Variants in SYTL1 observed in about 807,000 individuals in gnomAD.
The protein encoded by SYTL1 is synaptotagmin like 1.
A neutral mutation model predicts 74.6 loss-of-function variants in SYTL1; 53 were observed. That is an observed-to-expected ratio of 0.71 (90% confidence interval 0.57 to 0.89). The LOEUF is 0.89. SYTL1 is among the 40% of genes least tolerant of loss of function. SYTL1 has a pLI of 0.00. For synonymous variants in SYTL1, 329 were observed against 324.9 expected (o/e 1.01, Z -0.14); for missense variants, 728 against 768.7 (o/e 0.95, Z 0.63).
chr1:27,349,657 G>A lies in SYTL1; in HGVS notation c.639G>A (p.Lys213=). Residue 213 remains lysine (K), a synonymous_variant, in exon 8 of 15, where the codon AAG becomes AAA. Coordinates refer to ENST00000616558, the MANE Select transcript of SYTL1 (RefSeq NM_001193308.2). ...QEPRPQQAQT[K]AASQILENGE... ...GTCACTTGCCCCCTCTGCAGACCAAGGCCGCGTCCCAGATCCTGGAGAATG... is the reference window on the plus strand; with the variant it reads ...GTCACTTGCCCCCTCTGCAGACCAAAGCCGCGTCCCAGATCCTGGAGAATG... 6.2e-7 allele frequency: 1 copy of A among 1,607,772 alleles called. No individual in the cohort carries two copies. Among genetic ancestry groups the A allele is most frequent in the Non-Finnish European group, 8.5e-7 (1 of 1,177,830 alleles).
intron 2 of SYTL1, among the ~76,000 whole-genome samples, chr1:27,346,730 C>T: frequency 6.6e-6 from 1 of 151,972 alleles, no homozygotes; most frequent in East Asian, 1.9e-4. Flanking sequence ...CACTGCACTC[C>T]AGCCCGGGCA....
Position 27,343,719 on chromosome 1 carries a change from T to C in SYTL1, c.-39+1569T>C, listed in dbSNP as rs1423731032. On this transcript the variant is annotated intron_variant, in intron 1 of 14. Transcript: ENST00000616558. The surrounding 1 kb of genome is among the most constrained non-coding windows in gnomAD (Gnocchi z 5.2). ...TCAAACTTTTACCAACCATCTGTTG[T>C]GTGCAAAGTAATGGCTTTGAGGGTG... 1.3e-5 allele frequency among the ~76,000 whole-genome samples: 2 copies of C among 152,166 alleles called. No homozygotes were observed. Among genetic ancestry groups the C allele is most frequent in the Non-Finnish European group, 2.9e-5 (2 of 68,024 alleles).
Position 27,351,665 on chromosome 1 carries a change from C to G in SYTL1, c.1343+110C>G. On this transcript the variant is annotated intron_variant, in intron 13 of 14. Coordinates refer to ENST00000616558, the MANE Select transcript of SYTL1 (RefSeq NM_001193308.2). The surrounding 1 kb of genome is among the most constrained non-coding windows in gnomAD (Gnocchi z 5.0). ...TTGATCACGCAGCCTGGGCTTTCACCACTGAGCAGGGGTGAAGGGGACGGT... is the reference window on the plus strand; with the variant it reads ...TTGATCACGCAGCCTGGGCTTTCACGACTGAGCAGGGGTGAAGGGGACGGT... 1 of 727,232 alleles carries G rather than the reference C, an allele frequency of 1.4e-6. No homozygotes were observed. The highest frequency in any genetic ancestry group is 2.2e-6 in the Non-Finnish European group (1 of 451,724). The allele number at this position is 727,232 out of a possible 1,614,324, so 45.0% of individuals were successfully genotyped here. A position where few individuals can be genotyped will look rare whatever the true frequency, so the allele number is the denominator to read the frequency against.
At chr1:27,346,265 C>G (rs549504997) in intron 2 of SYTL1, among the ~76,000 whole-genome samples, 8 of 152,296 alleles carry the variant, frequency 5.3e-5, no homozygotes, top group African/African-American at 1.9e-4. Context: ...TCAGGTGCTC[C>G]CCAGTCCCTG....
Position 27,351,170 on chromosome 1 carries a change from A to C in SYTL1, c.1165-88A>C, listed in dbSNP as rs2015254039. ...CCCTGCAGGCCCCGCCGTCTCTTCT[A>C]GCCGCACCCCATCCGGGTCTGCAGA... On this transcript the variant is annotated intron_variant, in intron 11 of 14. Coordinates refer to ENST00000616558, the MANE Select transcript of SYTL1 (RefSeq NM_001193308.2). This position sits in a 1 kb window ranked among gnomAD's most constrained non-coding sequence, Gnocchi z 5.0. 1 of 1,470,338 alleles carries C rather than the reference A, an allele frequency of 6.8e-7. No individual in the cohort carries two copies. The highest frequency in any genetic ancestry group is 2.0e-5 in the Admixed American group (1 of 49,126). The allele number at this position is 1,470,338 out of a possible 1,614,324, so 91.1% of individuals were successfully genotyped here. A position where few individuals can be genotyped will look rare whatever the true frequency, so the allele number is the denominator to read the frequency against.
intron 13 of SYTL1, chr1:27,352,330 C>T (rs2015310537): frequency 6.6e-6 from 1 of 151,240 alleles, no homozygotes. Context: ...GAGCGAGACT[C>T]GATCTCAAAA....
Position 27,347,132 on chromosome 1 carries a change from GTAAA to G in SYTL1, c.192-276_192-273del, listed in dbSNP as rs374655963. 3.9e-5 allele frequency among the ~76,000 whole-genome samples: 6 copies of G among 152,214 alleles called. No homozygotes were observed. Among genetic ancestry groups the G allele is most frequent in the East Asian group, 1.9e-4 (1 of 5,184 alleles). Reference sequence around the variant, plus strand: ...GGAGACTCCATCTCAAAATAATTAAGTAAATAAATAAATAAAGGCAATTCAAATG... The same window carrying G: ...GGAGACTCCATCTCAAAATAATTAAGTAAATAAATAAAGGCAATTCAAATG... On this transcript the variant is annotated intron_variant, in intron 2 of 14. Coordinates refer to ENST00000616558, the MANE Select transcript of SYTL1 (RefSeq NM_001193308.2). The surrounding 1 kb of genome is among the most constrained non-coding windows in gnomAD (Gnocchi z 4.9).
In SYTL1 at chr1:27,353,818, T is replaced by C. The variant is rs1205489623; in HGVS notation, c.1655T>C (p.Leu552Pro). ...CCGTGCGAATGGGTGGATGGCCTTCTACCCCTCAGAACCAACCTGGCCCCC... is the reference window on the plus strand; with the variant it reads ...CCGTGCGAATGGGTGGATGGCCTTCCACCCCTCAGAACCAACCTGGCCCCC... ...EQPCEWVDGL[L>P]PLRTNLAPRT The change falls in exon 15 of 15, where the codon CTA becomes CCA. Residue 552 changes from leucine (L) to proline (P), a missense_variant. Transcript: ENST00000616558. The C allele has an allele frequency of 6.2e-7, 1 of 1,613,826 alleles. No individual in the cohort carries two copies. Among genetic ancestry groups the C allele is most frequent in the South Asian group, 1.1e-5 (1 of 91,084 alleles).
chr1:27,349,231 G>A (rs747641188), intron 6 of SYTL1, 79 bp downstream of exon 6: 1 of 1,530,770 alleles, frequency 6.5e-7, no homozygotes. Context: ...AACCACCTGT[G>A]TTCACCCTCG....
In SYTL1 at chr1:27,350,004, C is replaced by A; in HGVS notation, c.780C>A (p.Asp260Glu). The A allele has an allele frequency of 6.4e-7, 1 of 1,565,220 alleles. No homozygotes were observed. Among genetic ancestry groups the A allele is most frequent in the Non-Finnish European group, 8.6e-7 (1 of 1,164,832 alleles). Reference sequence around the variant, plus strand: ...GCAGCCAGATGAGCCTGTCAGGCGACGCGGAGGCGGTGCAGGTCCGCGGCT... The same window carrying A: ...GCAGCCAGATGAGCCTGTCAGGCGAAGCGGAGGCGGTGCAGGTCCGCGGCT... The part of the protein sequence containing the change: ...LSGSQMSLSG[D>E]AEAVQVRGSV... Residue 260 changes from aspartate (D) to glutamate (E), a missense_variant, in exon 9 of 15, where the codon GAC becomes GAA. Asp to Glu is a conservative substitution (Grantham distance 45). Coordinates refer to ENST00000616558, the MANE Select transcript of SYTL1 (RefSeq NM_001193308.2). This position sits in a 1 kb window ranked among gnomAD's most constrained non-coding sequence, Gnocchi z 6.3.
Position 27,345,545 on chromosome 1 carries a change from G to A in SYTL1, c.191+20G>A. ...GGTCAGGTAAGGCAGGGCAGACCCT[G>A]GCCGGGGAGCACCAAGAGGCTTGAG... On this transcript the variant is annotated intron_variant, in intron 2 of 14. Transcript: ENST00000616558. This position sits in a 1 kb window ranked among gnomAD's most constrained non-coding sequence, Gnocchi z 6.0. 1.3e-6 allele frequency: 2 copies of A among 1,518,844 alleles called. No individual in the cohort carries two copies. The highest frequency in any genetic ancestry group is 1.8e-6 in the Non-Finnish European group (2 of 1,124,884). 94.1% of individuals were successfully genotyped at this position (1,518,844 alleles called of 1,614,324 possible).
chr1:27,353,318 A>G lies in SYTL1; in HGVS notation c.1379A>G (p.Gln460Arg), dbSNP rs371454137. ...VLPDDSQASR[Q>R]RTRVVRRSLS... ...CCTGATGACAGCCAGGCCAGCCGCC[A>G]GCGTACAAGGGTTGTGCGACGCAGC... Residue 460 changes from glutamine (Q) to arginine (R), a missense_variant, in exon 14 of 15, where the codon CAG becomes CGG. Coordinates refer to ENST00000616558, the MANE Select transcript of SYTL1 (RefSeq NM_001193308.2). 1.2e-6 allele frequency: 2 copies of G among 1,606,406 alleles called. No individual in the cohort carries two copies. The highest frequency in any genetic ancestry group is 1.7e-5 in the Admixed American group (1 of 59,226).
At position 27,347,487 on chromosome 1, in the gene SYTL1, A is replaced by C. The variant is rs2015047731; in HGVS notation, c.258A>C (p.Glu86Asp). ...TCCTGACAGGGGACTGGTTCCAGGA[A>C]GCACGCTCCCAGCGGCACCACAATG... ...LKILTGDWFQEARSQRHHNAH... is the reference protein window; with the variant it reads ...LKILTGDWFQDARSQRHHNAH... The change falls in exon 3 of 15, where the codon GAA becomes GAC. Residue 86 changes from glutamate (E) to aspartate (D), a missense_variant. Glu to Asp is a conservative substitution (Grantham distance 45). Coordinates refer to ENST00000616558, the MANE Select transcript of SYTL1 (RefSeq NM_001193308.2). This position sits in a 1 kb window ranked among gnomAD's most constrained non-coding sequence, Gnocchi z 4.9. The C allele has an allele frequency of 6.2e-7, 1 of 1,614,006 alleles. No individual in the cohort carries two copies. The highest frequency in any genetic ancestry group is 1.3e-5 in the African/African-American group (1 of 74,936).
chr1:27,351,456 G>A lies in SYTL1; in HGVS notation c.1244G>A (p.Gly415Asp), dbSNP rs559892909. The change falls in exon 13 of 15, where the codon GGC becomes GAC. Residue 415 changes from glycine to aspartate, a missense_variant and splice_region_variant. Physicochemically the swap from Gly to Asp is moderately conservative, Grantham distance 94. Coordinates refer to ENST00000616558, the MANE Select transcript of SYTL1 (RefSeq NM_001193308.2). This position sits in a 1 kb window ranked among gnomAD's most constrained non-coding sequence, Gnocchi z 5.0. Reference sequence around the variant, plus strand: ...GGGCCTGAGCCGAGCCTCTCCGCAGGCGCAGGACTGCCCCCGAGCGGGGAG... The same window carrying A: ...GGGCCTGAGCCGAGCCTCTCCGCAGACGCAGGACTGCCCCCGAGCGGGGAG... ...SLKYVPAGSE[G>D]AGLPPSGELH... 11 of 1,534,702 alleles carry A rather than the reference G, an allele frequency of 7.2e-6. No homozygotes were observed. In the African/African-American group the frequency reaches 9.6e-5, roughly 13 times the overall value.
intron 14 of SYTL1, 23 bp from the exon 15 acceptor site, chr1:27,353,690 A>G: frequency 6.2e-7 from 1 of 1,607,024 alleles, no homozygotes. Context: ...TCATGCCCTC[A>G]ACCCCTGCCC....
rs1342330670 is a variant in SYTL1 at position 27,348,920 on chromosome 1, C to G, written c.460-160C>G. 6.6e-6 allele frequency among the ~76,000 whole-genome samples: 1 copy of G among 152,192 alleles called. No homozygotes were observed. Among genetic ancestry groups the G allele is most frequent in the Non-Finnish European group, 1.5e-5 (1 of 68,032 alleles). On this transcript the variant is annotated intron_variant, in intron 5 of 14. Coordinates refer to ENST00000616558, the MANE Select transcript of SYTL1 (RefSeq NM_001193308.2). The surrounding 1 kb of genome is among the most constrained non-coding windows in gnomAD (Gnocchi z 4.1). ...GGGGTGGGCTGTGAAGCACTGGTCTCACCGCTCCTGCAGCTGGCTGCCAGC... is the reference window on the plus strand; with the variant it reads ...GGGGTGGGCTGTGAAGCACTGGTCTGACCGCTCCTGCAGCTGGCTGCCAGC...
At position 27,350,800 on chromosome 1, in the gene SYTL1, G is replaced by C; in HGVS notation, c.1012G>C (p.Val338Leu). The change falls in exon 11 of 15, where the codon GTC becomes CTC. Residue 338 changes from valine (V) to leucine (L), a missense_variant. Transcript: ENST00000616558. This position sits in a 1 kb window ranked among gnomAD's most constrained non-coding sequence, Gnocchi z 6.3. ...PVFNETLRYSVPQAELQGRVL... is the reference protein window; with the variant it reads ...PVFNETLRYSLPQAELQGRVL... ...GCTCACCTCCTGTCCTCAGTACTCC[G>C]TCCCGCAGGCCGAGCTTCAGGGCCG... is the stretch of plus-strand genomic sequence containing the variant. 6.2e-7 allele frequency: 1 copy of C among 1,613,742 alleles called. No homozygotes were observed. Among genetic ancestry groups the C allele is most frequent in the Non-Finnish European group, 8.5e-7 (1 of 1,180,016 alleles).
At chr1:27,349,377 G>GCATCTCGTGCC (rs2015138833) in intron 6 of SYTL1, 21 bp from the exon 7 acceptor site, 1 of 1,445,374 alleles carries the variant, frequency 6.9e-7, no homozygotes, top group Non-Finnish European at 9.1e-7. Context: ...GGCTCGCTTA[G>GCATCTCGTGCC]CATCTCGTGC....
intron 1 of SYTL1, among the ~76,000 whole-genome samples, chr1:27,344,576 G>C (rs1278644456): frequency 6.7e-6 from 1 of 149,452 alleles, no homozygotes; most frequent in Non-Finnish European, 1.5e-5. Flanking sequence ...GTAGGGCCGG[G>C]CGTGGTGGCT....
Sources: allele counts gnomAD v4.1 joint callset (sites outside exome capture counted in the v4.1 genomes callset), GRCh38; gene constraint gnomAD v4.1.1; non-coding constraint Gnocchi (gnomAD v3.1); transcripts MANE v1.5; gene names NCBI Gene and HGNC (gene_info 2026-07-23, HGNC 2026-07-21).